CEP63: variants seen among roughly 807,000 people sequenced by gnomAD.
CEP63 encodes the protein centrosomal protein of 63 kDa.
Under a neutral mutation model 89.1 loss-of-function variants are expected in CEP63, and 84 were observed. The observed-to-expected ratio is 0.94, with a 90% CI of 0.79 to 1.13. The LOEUF is 1.13. CEP63 is among the 50% of genes most tolerant of loss of function. The pLI, the probability that CEP63 is intolerant of heterozygous loss-of-function variation, is 0.00. For missense variants in CEP63, 838 were observed against 813.3 expected (o/e 1.03, Z -0.37); for synonymous variants, 267 against 272.5 (o/e 0.98, Z 0.20).
At chr3:134,534,430 C>T (rs1950409165) in intron 5 of CEP63, among the ~76,000 whole-genome samples, 1 of 152,180 alleles carries the variant, frequency 6.6e-6, no homozygotes, top group Non-Finnish European at 1.5e-5. Context: ...AGCTAACTCT[C>T]TCTAGTCCTT....
chr3:134,492,966 A>G (rs1938253746), intron 1 of CEP63, among the ~76,000 whole-genome samples: 1 of 152,218 alleles, frequency 6.6e-6, no homozygotes, highest in Admixed American at 6.5e-5. Flanking sequence ...GACAATGTGT[A>G]CAAGGCAGCT....
At chr3:134,743,425 G>A in the CEP63 span, among the ~76,000 whole-genome samples, 2 of 152,148 alleles carry the variant, frequency 1.3e-5, no homozygotes, top group Non-Finnish European at 2.9e-5. Context: ...CTCCTGACAG[G>A]AGACAGAAAC....
the CEP63 span, among the ~76,000 whole-genome samples, chr3:134,714,173 G>A: frequency 6.6e-6 from 1 of 152,162 alleles, no homozygotes; most frequent in Non-Finnish European, 1.5e-5. Flanking sequence ...ACTTGTGCAT[G>A]GAAATTGGCA....
the CEP63 span, among the ~76,000 whole-genome samples, chr3:134,701,058 G>A: frequency 6.6e-6 from 1 of 151,370 alleles, no homozygotes; most frequent in African/African-American, 2.4e-5. Flanking sequence ...TTTTGTTGGG[G>A]TTTGAAGAGG....
chr3:134,685,014 T>C, the CEP63 span, among the ~76,000 whole-genome samples: 5 of 152,194 alleles, frequency 3.3e-5, no homozygotes, highest in African/African-American at 9.7e-5. Flanking sequence ...ACATGGATGC[T>C]GGGTAGACAT....
At chr3:134,751,532 G>T in the CEP63 span, among the ~76,000 whole-genome samples, 2 of 152,150 alleles carry the variant, frequency 1.3e-5, no homozygotes, top group African/African-American at 2.4e-5. Flanking sequence ...TGGCTCCGAG[G>T]TTCTAGCTCA....
At chr3:134,639,247 C>G in the CEP63 span, among the ~76,000 whole-genome samples, 1 of 152,116 alleles carries the variant, frequency 6.6e-6, no homozygotes. Context: ...AGGAATGAGC[C>G]TGCTAGATGG....
At chr3:134,746,937 C>T in the CEP63 span, among the ~76,000 whole-genome samples, 1 of 152,084 alleles carries the variant, frequency 6.6e-6, no homozygotes, top group Non-Finnish European at 1.5e-5. Flanking sequence ...TTAATTAGAT[C>T]CCATTTGTCT....
At chr3:134,743,622 C>A in the CEP63 span, among the ~76,000 whole-genome samples, 2 of 152,092 alleles carry the variant, frequency 1.3e-5, no homozygotes, top group Non-Finnish European at 2.9e-5. Context: ...GGTTCACATC[C>A]CATCTGGGTA....
chr3:134,761,221 C>T, the CEP63 span, among the ~76,000 whole-genome samples: 2 of 152,328 alleles, frequency 1.3e-5, no homozygotes, highest in South Asian at 4.1e-4. Context: ...CTTCCCTTGG[C>T]CAGCTACAAA....
chr3:134,668,426 C>T, the CEP63 span, among the ~76,000 whole-genome samples: 3,562 of 152,250 alleles, frequency 0.023, 46 homozygotes, highest in Non-Finnish European at 0.033. Flanking sequence ...GAAGAGGAAG[C>T]TGAGGATAGA....
At chr3:134,586,878 CTTTG>C (rs1371902529) in intron 10 of CEP63, among the ~76,000 whole-genome samples, 1 of 152,084 alleles carries the variant, frequency 6.6e-6, no homozygotes, top group Non-Finnish European at 1.5e-5. Context: ...TTCTTGTAGG[CTTTG>C]TTTGTTTCTT....
the CEP63 span, among the ~76,000 whole-genome samples, chr3:134,737,548 A>T: frequency 0.022 from 3,335 of 152,352 alleles, 122 homozygotes; most frequent in African/African-American, 0.076. Flanking sequence ...CCACCATACC[A>T]GTGGTCAAAT....
At chr3:134,736,195 A>C in the CEP63 span, among the ~76,000 whole-genome samples, 1 of 152,168 alleles carries the variant, frequency 6.6e-6, no homozygotes, top group African/African-American at 2.4e-5. Context: ...AATCCTACAA[A>C]AATCATACGG....
At chr3:134,640,166 A>G in the CEP63 span, among the ~76,000 whole-genome samples, 1 of 142,938 alleles carries the variant, frequency 7.0e-6, no homozygotes, top group African/African-American at 2.5e-5. Flanking sequence ...ATGTTGAACC[A>G]TTCCGAGCAA....
At chr3:134,716,733 C>G in the CEP63 span, among the ~76,000 whole-genome samples, 1 of 152,214 alleles carries the variant, frequency 6.6e-6, no homozygotes, top group Non-Finnish European at 1.5e-5. Context: ...AACAGCCACC[C>G]CCCCAATCCA....
chr3:134,546,309 T>C (rs749793131), intron 8 of CEP63, 21 bp downstream of exon 8: 1 of 1,605,318 alleles, frequency 6.2e-7, no homozygotes, highest in African/African-American at 1.3e-5. Context: ...TCTTAAATAT[T>C]ATTCATCTTA....
At chr3:134,507,315 G>T in intron 3 of CEP63, 29 bp downstream of exon 3, 1 of 1,548,036 alleles carries the variant, frequency 6.5e-7, no homozygotes, top group South Asian at 1.1e-5. Flanking sequence ...TCTTCTTTTT[G>T]ACATTTTTAT....
chr3:134,599,289 G>A, the CEP63 span, among the ~76,000 whole-genome samples: 12 of 152,116 alleles, frequency 7.9e-5, no homozygotes, highest in East Asian at 3.9e-4. Context: ...ATATGCTGCC[G>A]GGTCTCCTTC....
Sources: allele counts gnomAD v4.1 joint callset (sites outside exome capture counted in the v4.1 genomes callset), GRCh38; gene constraint gnomAD v4.1.1; transcripts MANE v1.5; gene names NCBI Gene and HGNC (gene_info 2026-07-23, HGNC 2026-07-21).